Variants in ZNF654 observed in about 807,000 individuals in gnomAD.
ZNF654 encodes zinc finger protein 654, also known as melanoma-associated antigen.
Under a neutral mutation model 95.3 loss-of-function variants are expected in ZNF654, and 19 were observed. That is an observed-to-expected ratio of 0.20 (90% CI 0.14 to 0.29). The LOEUF (loss-of-function observed/expected upper bound fraction) is 0.29, where lower values mean the gene tolerates loss of function less well. ZNF654 is among the 10% of genes least tolerant of loss of function. ZNF654 has a pLI of 1.00. For missense variants in ZNF654, 1,046 were observed against 1,341.0 expected, an observed-to-expected ratio of 0.78 and a Z score of 3.44; for synonymous variants, 413 against 457.9, an observed-to-expected ratio of 0.90 and a Z score of 1.25.
chr3:88,126,039 C>A, intron 3 of ZNF654, 95 bp from the exon 4 acceptor site: 2 of 1,224,460 alleles, frequency 1.6e-6, no homozygotes, highest in South Asian at 2.1e-5. Context: ...TAATAGCTGC[C>A]TCACTGGCCA....
rs188719695 is a variant in ZNF654, at chr3:88,128,459, A to G, written c.551-350A>G. Among the ~76,000 whole-genome samples the G allele has an allele frequency of 1.2e-3, 187 of 152,228 alleles. 1 individual carries two copies. The highest frequency in any genetic ancestry group is 3.2e-4 in the Non-Finnish European group (22 of 67,984). On this transcript the variant is annotated intron_variant, in intron 4 of 8. Transcript: ENST00000636215. ...ATATTGAGCAGTAAGAAGATAAAGT[A>G]TGTAATCTTAGACTAAAAAGACATA...
intron 7 of ZNF654, among the ~76,000 whole-genome samples, chr3:88,135,819 TC>T (rs910045357): frequency 4.5e-4 from 68 of 152,238 alleles, no homozygotes; most frequent in Admixed American, 4.1e-3. Flanking sequence ...CAATAAGACT[TC>T]GAGTATAAAG....
At chr3:88,119,001 G>A (rs1705587336) in intron 3 of ZNF654, among the ~76,000 whole-genome samples, 1 of 149,246 alleles carries the variant, frequency 6.7e-6, no homozygotes, top group South Asian at 2.2e-4. Context: ...TCTAGAACTG[G>A]AAATACCATT....
At chr3:88,104,640 G>A (rs911497449) in intron 2 of ZNF654, among the ~76,000 whole-genome samples, 1 of 152,144 alleles carries the variant, frequency 6.6e-6, no homozygotes, top group Non-Finnish European at 1.5e-5. Flanking sequence ...GAGATTAGGC[G>A]GGATTTTTAA....
intron 3 of ZNF654, among the ~76,000 whole-genome samples, chr3:88,121,544 G>T (rs1320926223): frequency 6.6e-6 from 1 of 151,810 alleles, no homozygotes; most frequent in Non-Finnish European, 1.5e-5. Flanking sequence ...GAAAATACCA[G>T]GTAAATATTC....
chr3:88,061,561 C>T (rs2107580586), intron 1 of ZNF654, among the ~76,000 whole-genome samples: 1 of 152,090 alleles, frequency 6.6e-6, no homozygotes, highest in South Asian at 2.1e-4. Flanking sequence ...GAGGTTTTGT[C>T]CTGGTTTTAC....
intron 2 of ZNF654, among the ~76,000 whole-genome samples, chr3:88,088,748 G>GGA (rs1302538079): frequency 5.0e-5 from 4 of 79,638 alleles, no homozygotes; most frequent in East Asian, 4.4e-4. Context: ...CTTTATTTAT[G>GGA]TATGTATGTA....
At chr3:88,072,379 C>T (rs1254719195) in intron 1 of ZNF654, among the ~76,000 whole-genome samples, 2 of 152,178 alleles carry the variant, frequency 1.3e-5, no homozygotes, top group Admixed American at 6.5e-5. Flanking sequence ...ACTTCTGTAT[C>T]TCAGAGTCAA....
rs776969855 is a variant in ZNF654, at chr3:88,140,632, T to C, written c.2963T>C (p.Leu988Ser). 1.9e-5 allele frequency: 31 copies of C among 1,613,642 alleles called. No individual in the cohort carries two copies. Among genetic ancestry groups the C allele is most frequent in the Non-Finnish European group, 2.6e-5 (31 of 1,179,744 alleles). Residue 988 changes from leucine to serine, a missense_variant, in exon 8 of 9, where the codon TTA becomes TCA. Physicochemically the swap from Leu to Ser is moderately radical, Grantham distance 145. This residue lies in a region of ZNF654 where 495 missense variants were observed against 537.0 expected (regional missense o/e 0.92). Coordinates refer to ENST00000636215, the MANE Select transcript of ZNF654 (RefSeq NM_001350134.2). ...NGHSEIEQTP[L>S]VSSDPALKID... ...CACAGTGAAATAGAGCAAACACCTT[T>C]AGTTTCATCAGATCCTGCTTTGAAA...
chr3:88,063,152 G>C (rs866886575), intron 1 of ZNF654, among the ~76,000 whole-genome samples: 1 of 152,136 alleles, frequency 6.6e-6, no homozygotes, highest in South Asian at 2.1e-4. Context: ...CTGACATCTA[G>C]TGCATGGAGG....
chr3:88,124,471 A>G (rs1451352399), intron 3 of ZNF654, among the ~76,000 whole-genome samples: 2 of 152,212 alleles, frequency 1.3e-5, no homozygotes, highest in Admixed American at 1.3e-4. Context: ...TTCTTCTCTC[A>G]TAAAACAAGT....
intron 5 of ZNF654, among the ~76,000 whole-genome samples, chr3:88,129,321 T>A (rs1374157808): frequency 3.1e-3 from 235 of 76,714 alleles, no homozygotes; most frequent in African/African-American, 5.4e-3. Flanking sequence ...TTGCCAGGAG[T>A]AAAAAAAAAA....
chr3:88,064,140 A>G (rs1314374022), intron 1 of ZNF654, among the ~76,000 whole-genome samples: 2 of 151,888 alleles, frequency 1.3e-5, no homozygotes, highest in African/African-American at 2.4e-5. Context: ...GCTTATAACA[A>G]AAAATAGCAG....
At chr3:88,081,246 A>G (rs1708060324) in intron 1 of ZNF654, among the ~76,000 whole-genome samples, 1 of 152,134 alleles carries the variant, frequency 6.6e-6, no homozygotes, top group Non-Finnish European at 1.5e-5. Flanking sequence ...AATGTATTTT[A>G]TTATATAGTT....
intron 6 of ZNF654, among the ~76,000 whole-genome samples, chr3:88,134,466 C>A (rs1375739308): frequency 6.6e-6 from 1 of 152,024 alleles, no homozygotes; most frequent in Non-Finnish European, 1.5e-5. Context: ...TAAAAACCCA[C>A]CGCTCCTAGC....
intron 3 of ZNF654, among the ~76,000 whole-genome samples, chr3:88,118,915 G>C (rs946108484): frequency 6.6e-6 from 1 of 150,394 alleles, no homozygotes; most frequent in African/African-American, 2.5e-5. Flanking sequence ...GGAGAAATAG[G>C]AACACTTTTA....
At chr3:88,059,753 A>G (rs1317097002) in intron 1 of ZNF654, among the ~76,000 whole-genome samples, 1 of 152,040 alleles carries the variant, frequency 6.6e-6, no homozygotes, top group Non-Finnish European at 1.5e-5. Context: ...GCTGGAAAGA[A>G]GGAAGGTCGG....
chr3:88,114,001 C>A lies in ZNF654; in HGVS notation c.414+805C>A, dbSNP rs139280706. On this transcript the variant is annotated intron_variant, in intron 3 of 8. Coordinates refer to ENST00000636215, the MANE Select transcript of ZNF654 (RefSeq NM_001350134.2). ...TATATATTCAAGTATTTAAAACTTACTAATTTTCCATTCTCCGTAATCCAT... is the reference window on the plus strand; with the variant it reads ...TATATATTCAAGTATTTAAAACTTAATAATTTTCCATTCTCCGTAATCCAT... Among the ~76,000 whole-genome samples, 814 of 152,248 alleles carry A rather than the reference C, an allele frequency of 5.3e-3. 5 individuals are homozygous for A. The highest frequency in any genetic ancestry group is 0.017 in the African/African-American group (699 of 41,536).
At chr3:88,066,009 C>T (rs1274580370) in intron 1 of ZNF654, among the ~76,000 whole-genome samples, 1 of 152,196 alleles carries the variant, frequency 6.6e-6, no homozygotes, top group Non-Finnish European at 1.5e-5. Context: ...GCTAGGATTA[C>T]AGGCATGAGC....
Sources: gnomAD v4.1 joint callset for allele counts (sites outside exome capture counted in the v4.1 genomes callset) on GRCh38, gnomAD v4.1.1 for gene constraint, gnomAD v4.1.1 regional missense constraint, MANE v1.5 for transcripts, NCBI Gene and HGNC (gene_info 2026-07-23, HGNC 2026-07-21) for gene names.